Variants in LIN52 observed in about 807,000 individuals in gnomAD.
The protein encoded by LIN52 is protein lin-52 homolog.
Under a neutral mutation model 18.5 loss-of-function variants are expected in LIN52, and 4 were observed. That is an observed-to-expected ratio of 0.22 (90% CI 0.11 to 0.49). The LOEUF (loss-of-function observed/expected upper bound fraction) is 0.49, where lower values mean the gene tolerates loss of function less well. LIN52 is among the 20% of genes least tolerant of loss of function. The pLI, the probability that LIN52 is intolerant of heterozygous loss-of-function variation, is 0.97. For missense variants in LIN52, 102 were observed against 139.5 expected (o/e 0.73, Z 1.35); for synonymous variants, 34 against 45.5 (o/e 0.75, Z 1.02).
chr14:74,191,359 G>A (rs2078875629), intron 5 of LIN52, among the ~76,000 whole-genome samples: 1 of 152,092 alleles, frequency 6.6e-6, no homozygotes, highest in Non-Finnish European at 1.5e-5. Context: ...TGCTCCATGT[G>A]ACTGCCTTCA....
chr14:74,142,210 G>A (rs1333562218), intron 5 of LIN52, among the ~76,000 whole-genome samples: 3 of 151,918 alleles, frequency 2.0e-5, no homozygotes, highest in Non-Finnish European at 4.4e-5. Flanking sequence ...TTTTTAACTC[G>A]AAGCTCTTTA....
rs184985126 is a variant in LIN52 at position 74,186,955 on chromosome 14, T to G, written c.284-11967T>G. ...TTAGCCGGGCGTTATGGCACATGCC[T>G]TTAGTCTGAGCTACTCCGAAGTCTG... On this transcript the variant is annotated intron_variant, in intron 5 of 5. Coordinates refer to ENST00000555028, the MANE Select transcript of LIN52 (RefSeq NM_001024674.3). 2.6e-5 allele frequency among the ~76,000 whole-genome samples: 4 copies of G among 152,274 alleles called. No homozygotes were observed. The East Asian group carries it at 7.7e-4, about 29-fold the overall frequency.
At chr14:74,164,009 A>G (rs1417864070) in intron 5 of LIN52, among the ~76,000 whole-genome samples, 1 of 148,786 alleles carries the variant, frequency 6.7e-6, no homozygotes, top group Admixed American at 6.8e-5. Context: ...TGAGACAGAG[A>G]CTCGTGCTGT....
chr14:74,098,839 C>T (rs1173344769), intron 4 of LIN52, among the ~76,000 whole-genome samples: 2 of 152,152 alleles, frequency 1.3e-5, no homozygotes, highest in East Asian at 1.9e-4. Flanking sequence ...TGAGCCACCA[C>T]GCCCCGCGTA....
In LIN52 at chr14:74,097,780, T is replaced by C; in HGVS notation, c.133-14T>C. The C allele has an allele frequency of 1.3e-6, 2 of 1,581,048 alleles. No individual in the cohort carries two copies. Among genetic ancestry groups the C allele is most frequent in the Non-Finnish European group, 1.7e-6 (2 of 1,150,232 alleles). ...CTTTTTATGTGTCTGAATGGATATA[T>C]TATTTTTTGACAGCCTATTACTAGT... On this transcript the variant is annotated splice_polypyrimidine_tract_variant and intron_variant, in intron 3 of 5. Coordinates refer to ENST00000555028, the MANE Select transcript of LIN52 (RefSeq NM_001024674.3).
rs145366364 is a variant in LIN52, at chr14:74,119,969, G to A, written c.283+18731G>A. ...TCCTGCCTCAGCCTCCCAAGTAGCT[G>A]GAATTACAGGTGCACGCTACCACGT... On this transcript the variant is annotated intron_variant, in intron 5 of 5. Transcript: ENST00000555028. Among the ~76,000 whole-genome samples, 1,506 of 151,880 alleles carry A rather than the reference G, an allele frequency of 9.9e-3. 29 individuals carry two copies. The highest frequency in any genetic ancestry group is 0.034 in the African/African-American group (1,409 of 41,404).
chr14:74,108,944 T>A (rs2060912153), intron 5 of LIN52, among the ~76,000 whole-genome samples: 1 of 152,234 alleles, frequency 6.6e-6, no homozygotes, highest in Non-Finnish European at 1.5e-5. Context: ...TTGTTGCTTG[T>A]GTTTTAGTGT....
intron 5 of LIN52, among the ~76,000 whole-genome samples, chr14:74,164,873 G>A (rs1285104036): frequency 2.6e-5 from 4 of 152,102 alleles, no homozygotes; most frequent in Admixed American, 2.6e-4. Flanking sequence ...TTTGAGAAAA[G>A]CCCCTAAAAT....
At chr14:74,097,454 A>G (rs2060821530) in intron 3 of LIN52, among the ~76,000 whole-genome samples, 1 of 143,220 alleles carries the variant, frequency 7.0e-6, no homozygotes, top group Non-Finnish European at 1.5e-5. Flanking sequence ...GAGACAGAGT[A>G]ATACTCTTAC....
intron 5 of LIN52, among the ~76,000 whole-genome samples, chr14:74,189,617 A>G (rs1047956542): frequency 1.3e-5 from 2 of 152,232 alleles, no homozygotes; most frequent in Non-Finnish European, 2.9e-5. Flanking sequence ...AAAAGAGGGC[A>G]GAGCAAGGAG....
At chr14:74,094,498 G>C (rs771512360) in intron 2 of LIN52, among the ~76,000 whole-genome samples, 11 of 151,752 alleles carry the variant, frequency 7.2e-5, no homozygotes, top group Non-Finnish European at 1.3e-4. Context: ...GGCTCAGGCT[G>C]TCTTTCCACC....
intron 5 of LIN52, among the ~76,000 whole-genome samples, chr14:74,144,304 T>C (rs1319054113): frequency 1.3e-5 from 2 of 150,690 alleles, no homozygotes; most frequent in African/African-American, 4.9e-5. Flanking sequence ...ATTGGAGCCA[T>C]GGGGGTTGGG....
intron 5 of LIN52, among the ~76,000 whole-genome samples, chr14:74,173,952 G>A (rs1053501164): frequency 3.9e-5 from 6 of 152,342 alleles, no homozygotes; most frequent in Non-Finnish European, 7.4e-5. Flanking sequence ...CAGGATAGAG[G>A]TAAGAGGTGC....
chr14:74,136,772 CAT>C (rs1488284759), intron 5 of LIN52, among the ~76,000 whole-genome samples: 18 of 152,260 alleles, frequency 1.2e-4, no homozygotes, highest in African/African-American at 3.6e-4. Flanking sequence ...GATTCAATCA[CAT>C]GTCTCCAGGT....
intron 5 of LIN52, among the ~76,000 whole-genome samples, chr14:74,118,404 C>A (rs900889900): frequency 9.2e-5 from 14 of 152,146 alleles, no homozygotes; most frequent in Non-Finnish European, 1.9e-4. Context: ...GAAAAGCACA[C>A]AAATTATAAT....
chr14:74,145,108 G>C (rs558599763), intron 5 of LIN52, among the ~76,000 whole-genome samples: 21 of 152,322 alleles, frequency 1.4e-4, no homozygotes, highest in Admixed American at 2.6e-4. Flanking sequence ...TCCATGGTAT[G>C]AAATCAGTGC....
chr14:74,147,870 A>G (rs758641259), intron 5 of LIN52, among the ~76,000 whole-genome samples: 3 of 152,168 alleles, frequency 2.0e-5, no homozygotes, highest in Non-Finnish European at 4.4e-5. Flanking sequence ...AAGTTGAAAA[A>G]GTTCTGGAGA....
intron 5 of LIN52, among the ~76,000 whole-genome samples, chr14:74,128,333 AAG>A (rs1320995231): frequency 1.3e-5 from 2 of 152,142 alleles, no homozygotes; most frequent in African/African-American, 2.4e-5. Context: ...ACAGAGAAAG[AAG>A]AGAGATCCAC....
At chr14:74,132,371 G>A (rs2061073263) in intron 5 of LIN52, among the ~76,000 whole-genome samples, 1 of 152,142 alleles carries the variant, frequency 6.6e-6, no homozygotes. Flanking sequence ...GCTGATACTG[G>A]ACACCAGTCT....
Sources: gnomAD v4.1 joint callset for allele counts (sites outside exome capture counted in the v4.1 genomes callset) on GRCh38, gnomAD v4.1.1 for gene constraint, MANE v1.5 for transcripts, NCBI Gene and HGNC (gene_info 2026-07-23, HGNC 2026-07-21) for gene names.